The following RERE variants were observed in gnomAD, a reference collection of about 807,000 sequenced individuals.
RERE encodes arginine-glutamic acid dipeptide repeats protein.
Under a neutral mutation model 146.1 loss-of-function variants are expected in RERE, and 40 were observed. That is an observed-to-expected ratio of 0.27 (90% confidence interval 0.21 to 0.36). RERE has a LOEUF of 0.36. Among genes scored for constraint, RERE ranks in the 10% least tolerant of loss-of-function variants. RERE has a pLI of 1.00. For synonymous variants in RERE, 1,003 were observed against 866.0 expected, an observed-to-expected ratio of 1.16 and a Z score of -2.78; for missense variants, 1,933 against 2,138.7, an observed-to-expected ratio of 0.90 and a Z score of 1.90.
intron 1 of RERE, among the ~76,000 whole-genome samples, chr1:8,739,390 G>C (rs1436023216): frequency 6.6e-6 from 1 of 152,166 alleles, no homozygotes; most frequent in Non-Finnish European, 1.5e-5. Flanking sequence ...GTTTGTGGGA[G>C]AGTGTCTCAG....
chr1:8,692,001 CCTTGAT>C (rs1639217492), intron 1 of RERE, among the ~76,000 whole-genome samples: 1 of 152,092 alleles, frequency 6.6e-6, no homozygotes. Flanking sequence ...TTTCTGAGTT[CCTTGAT>C]CATTAAAATA....
chr1:8,558,492 C>T (rs569083286), intron 4 of RERE, among the ~76,000 whole-genome samples: 1 of 152,182 alleles, frequency 6.6e-6, no homozygotes, highest in Non-Finnish European at 1.5e-5. Flanking sequence ...GCAGCCTCTA[C>T]GTTCTCATCA....
chr1:8,766,614 G>A (rs1232347566), intron 1 of RERE, among the ~76,000 whole-genome samples: 5 of 151,208 alleles, frequency 3.3e-5, no homozygotes, highest in South Asian at 2.1e-4. Context: ...CTAGCGTAAT[G>A]GATTAGGAAG....
Position 8,614,653 on chromosome 1 carries a change from T to C in RERE, c.430A>G (p.Thr144Ala), listed in dbSNP as rs781215401. Residue 144 changes from threonine (T) to alanine (A), a missense_variant, in exon 4 of 23, where the codon ACT becomes GCT. Thr to Ala is a moderately conservative substitution (Grantham distance 58, BLOSUM62 0). Around this residue, in one of 11 missense-constraint regions of RERE, gnomAD observed 74 missense variants for 99.6 expected, o/e 0.74. Transcript: ENST00000400908. The part of the protein sequence containing the change: ...HNSQACCRSP[T>A]PALCDPPACS... ...GCTGGGGGGTCACACAAAGCAGGAGTTGGAGATCTGCAACAGGCCTGGGAG... is the reference window on the plus strand; with the variant it reads ...GCTGGGGGGTCACACAAAGCAGGAGCTGGAGATCTGCAACAGGCCTGGGAG... The C allele has an allele frequency of 1.6e-5, 25 of 1,611,178 alleles. No individual in the cohort carries two copies. Among genetic ancestry groups the C allele is most frequent in the African/African-American group, 2.7e-5 (2 of 74,550 alleles).
intron 1 of RERE, among the ~76,000 whole-genome samples, chr1:8,678,374 A>G (rs1254027493): frequency 1.3e-5 from 2 of 152,076 alleles, no homozygotes; most frequent in Admixed American, 1.3e-4. Flanking sequence ...GGCCAGACAC[A>G]GTAGCTCACG....
intron 1 of RERE, among the ~76,000 whole-genome samples, chr1:8,716,262 A>G (rs1461652022): frequency 6.6e-6 from 1 of 150,934 alleles, no homozygotes; most frequent in Non-Finnish European, 1.5e-5. Flanking sequence ...CAGGAGTTCA[A>G]GTCCGGCCTA....
chr1:8,369,915 G>A (rs1398787941), intron 12 of RERE, among the ~76,000 whole-genome samples: 2 of 151,906 alleles, frequency 1.3e-5, no homozygotes, highest in Non-Finnish European at 2.9e-5. Flanking sequence ...TCGGCCTCCC[G>A]AGTAGCTGGG....
chr1:8,645,360 A>G (rs1017489300), intron 2 of RERE, among the ~76,000 whole-genome samples: 1 of 152,146 alleles, frequency 6.6e-6, no homozygotes, highest in African/African-American at 2.4e-5. Flanking sequence ...ATGAAATCAC[A>G]TATTTTTTCT....
intron 1 of RERE, among the ~76,000 whole-genome samples, chr1:8,726,852 CT>C (rs1639980085): frequency 6.6e-6 from 1 of 152,166 alleles, no homozygotes. Context: ...ATTGCCTAGG[CT>C]GGAGTGCAGT....
chr1:8,650,115 AAATT>A (rs1222921469), intron 2 of RERE, among the ~76,000 whole-genome samples: 1 of 152,170 alleles, frequency 6.6e-6, no homozygotes, highest in East Asian at 1.9e-4. Context: ...CCTAAGGACA[AAATT>A]AAGGTAATCC....
intron 1 of RERE, among the ~76,000 whole-genome samples, chr1:8,765,866 C>T (rs1208741000): frequency 2.0e-5 from 3 of 152,188 alleles, no homozygotes; most frequent in Admixed American, 1.3e-4. Flanking sequence ...GCAAGAGAAT[C>T]GCTTGAACCA....
chr1:8,577,091 C>T (rs1646304268), intron 4 of RERE, among the ~76,000 whole-genome samples: 2 of 151,924 alleles, frequency 1.3e-5, no homozygotes, highest in Middle Eastern at 3.4e-3. Flanking sequence ...ATGGCGTGAA[C>T]CCGGGAGGCG....
At chr1:8,731,809 GTTTT>G (rs1301957482) in intron 1 of RERE, among the ~76,000 whole-genome samples, 2 of 146,724 alleles carry the variant, frequency 1.4e-5, no homozygotes, top group Non-Finnish European at 3.1e-5. Flanking sequence ...TGTTTGTTTT[GTTTT>G]GTTTTTTTGA....
chr1:8,632,731 A>G (rs1647049333), intron 2 of RERE, among the ~76,000 whole-genome samples: 1 of 152,232 alleles, frequency 6.6e-6, no homozygotes, highest in African/African-American at 2.4e-5. Flanking sequence ...CTTCACAGGC[A>G]TCTTCTATTT....
At chr1:8,802,127 T>C (rs1641601671) in intron 1 of RERE, among the ~76,000 whole-genome samples, 2 of 152,212 alleles carry the variant, frequency 1.3e-5, no homozygotes, top group Non-Finnish European at 2.9e-5. Context: ...CACATGAAGC[T>C]ATCAAATAAA....
chr1:8,595,499 TTTTTATGTATTTATGTA>T (rs1460524760), intron 4 of RERE, among the ~76,000 whole-genome samples: 1 of 151,600 alleles, frequency 6.6e-6, no homozygotes, highest in African/African-American at 2.4e-5. Flanking sequence ...AATGTATTTA[TTTTTATGTATTTATGTA>T]TTTTATGTAT....
At chr1:8,355,814 C>T (rs1641267380) in intron 21 of RERE, among the ~76,000 whole-genome samples, 1 of 152,096 alleles carries the variant, frequency 6.6e-6, no homozygotes, top group Admixed American at 6.5e-5. Context: ...TGCCTGGCCC[C>T]TCCTCCAAGG....
At chr1:8,502,628 G>A (rs1177528254) in intron 8 of RERE, among the ~76,000 whole-genome samples, 1 of 149,176 alleles carries the variant, frequency 6.7e-6, no homozygotes, top group East Asian at 2.0e-4. Context: ...TGACAATGGC[G>A]GTTTTGTGGA....
chr1:8,783,496 C>T lies in RERE; in HGVS notation c.-145+33664G>A, dbSNP rs371622510. 2.0e-4 allele frequency among the ~76,000 whole-genome samples: 31 copies of T among 152,266 alleles called. 3 individuals carry two copies. In the East Asian group the frequency reaches 2.5e-3, roughly 12 times the overall value. On this transcript the variant is annotated intron_variant, in intron 1 of 22. Coordinates refer to ENST00000400908, the MANE Select transcript of RERE (RefSeq NM_001042681.2). The stretch of plus-strand genomic sequence containing the variant: ...CTCCCACCTATCTCATTATTTCTAG[C>T]CTGTTGTCCCAGTCTGCTGTCCACA...
Sources: allele counts gnomAD v4.1 joint callset (sites outside exome capture counted in the v4.1 genomes callset), GRCh38; gene constraint gnomAD v4.1.1; regional missense constraint gnomAD v4.1.1; transcripts MANE v1.5; gene names NCBI Gene and HGNC (gene_info 2026-07-23, HGNC 2026-07-21).